Variants in PARD3B observed in about 807,000 individuals in gnomAD.
PARD3B encodes partitioning defective 3 homolog B.
Under a neutral mutation model 130.2 loss-of-function variants are expected in PARD3B, and 103 were observed. The ratio of observed to expected loss-of-function variants is 0.79; its 90% CI spans 0.67 to 0.93. The LOEUF (loss-of-function observed/expected upper bound fraction) is 0.93, where lower values mean the gene tolerates loss of function less well. PARD3B is among the 40% of genes least tolerant of loss of function. The pLI is 0.00. For missense variants in PARD3B, 1,609 were observed against 1,499.2 expected (o/e 1.07, Z -1.21); for synonymous variants, 583 against 553.2 (o/e 1.05, Z -0.76).
At chr2:205,120,833 C>T (rs2030615385) in intron 7 of PARD3B, among the ~76,000 whole-genome samples, 1 of 152,168 alleles carries the variant, frequency 6.6e-6, no homozygotes, top group Non-Finnish European at 1.5e-5. Flanking sequence ...CCTTTAACGC[C>T]TTCATTTATA....
At chr2:205,472,998 T>C (rs974419827) in intron 20 of PARD3B, among the ~76,000 whole-genome samples, 3 of 152,060 alleles carry the variant, frequency 2.0e-5, no homozygotes, top group Non-Finnish European at 4.4e-5. Flanking sequence ...GAAAAGTAAG[T>C]ATAAGGAAGA....
Position 205,473,253 on chromosome 2 carries a change from TA to T in PARD3B, c.3045-26640del, listed in dbSNP as rs2048901659. Among the ~76,000 whole-genome samples, 1 of 152,174 alleles carries T rather than the reference TA, an allele frequency of 6.6e-6. No individual in the cohort carries two copies. On this transcript the variant is annotated intron_variant, in intron 20 of 22. Transcript: ENST00000406610. This position sits in a 1 kb window ranked among gnomAD's most constrained non-coding sequence, Gnocchi z 4.9. ...ATTAATAAAAAGGGGACTGATTTCATAAATTTAGCATATTACGCATTGCAGC... is the reference window on the plus strand; with the variant it reads ...ATTAATAAAAAGGGGACTGATTTCATAATTTAGCATATTACGCATTGCAGC...
At chr2:204,558,106 G>A (rs1396167526) in intron 1 of PARD3B, 1 of 152,156 alleles carries the variant, frequency 6.6e-6, no homozygotes, top group Non-Finnish European at 1.5e-5. Context: ...GCAATGTGGT[G>A]GAATTGCAGG....
chr2:205,110,965 TC>T (rs1454240429), intron 5 of PARD3B, among the ~76,000 whole-genome samples: 2 of 152,124 alleles, frequency 1.3e-5, no homozygotes, highest in Admixed American at 6.5e-5. Flanking sequence ...TATATAGAGA[TC>T]TCTACAGAGC....
At chr2:204,891,612 G>A in intron 2 of PARD3B, among the ~76,000 whole-genome samples, 1 of 152,128 alleles carries the variant, frequency 6.6e-6, no homozygotes, top group East Asian at 1.9e-4. Flanking sequence ...AGAGATGCTT[G>A]CAATACTGCA....
At chr2:205,533,327 C>T (rs1474082893) in intron 21 of PARD3B, among the ~76,000 whole-genome samples, 1 of 152,038 alleles carries the variant, frequency 6.6e-6, no homozygotes, top group East Asian at 1.9e-4. Flanking sequence ...TGTTTTATAC[C>T]GTGATGACAG....
chr2:204,662,728 T>TA (rs2035865559), intron 1 of PARD3B, among the ~76,000 whole-genome samples: 1 of 152,146 alleles, frequency 6.6e-6, no homozygotes, highest in Non-Finnish European at 1.5e-5. Context: ...TGGGTAGTGG[T>TA]AAAAAACAAA....
intron 18 of PARD3B, among the ~76,000 whole-genome samples, chr2:205,361,568 A>G (rs1294474908): frequency 2.6e-5 from 4 of 152,220 alleles, no homozygotes; most frequent in African/African-American, 4.8e-5. Flanking sequence ...ATCTTCCTAC[A>G]TTCTAGCCAC....
chr2:204,571,385 T>A (rs2031997521), intron 1 of PARD3B, among the ~76,000 whole-genome samples: 1 of 152,212 alleles, frequency 6.6e-6, no homozygotes, highest in Admixed American at 6.5e-5. Context: ...AGTACACATT[T>A]CTAAGTACTA....
In PARD3B at chr2:204,990,465, G is replaced by A. The variant is rs1049885926; in HGVS notation, c.394+25142G>A. ...CAAATTATTGTTAACTATAGTCACC[G>A]TACCATGCTGTTGAACACTAGAACT... is the stretch of plus-strand genomic sequence containing the variant. On this transcript the variant is annotated intron_variant, in intron 3 of 22. Transcript: ENST00000406610. Among the ~76,000 whole-genome samples the A allele has an allele frequency of 3.4e-4, 51 of 152,124 alleles. 1 individual carries two copies. The highest frequency in any genetic ancestry group is 1.2e-3 in the African/African-American group (49 of 41,492).
chr2:205,538,600 A>C (rs1285826460), intron 21 of PARD3B, among the ~76,000 whole-genome samples: 8 of 152,146 alleles, frequency 5.3e-5, no homozygotes, highest in Admixed American at 5.2e-4. Flanking sequence ...TTCTCTCTCT[A>C]TAATTCCCTC....
intron 21 of PARD3B, among the ~76,000 whole-genome samples, chr2:205,540,205 G>A (rs1345733754): frequency 6.6e-6 from 1 of 151,452 alleles, no homozygotes; most frequent in Non-Finnish European, 1.5e-5. Flanking sequence ...CCCGAGCAGA[G>A]TTCTTGATTT....
At chr2:205,120,311 G>A (rs2030531728) in intron 7 of PARD3B, among the ~76,000 whole-genome samples, 1 of 152,118 alleles carries the variant, frequency 6.6e-6, no homozygotes. Flanking sequence ...AGTTAGTATG[G>A]AGTAGAAACT....
intron 2 of PARD3B, among the ~76,000 whole-genome samples, chr2:204,787,345 A>T (rs556565552): frequency 3.2e-4 from 48 of 152,180 alleles, no homozygotes; most frequent in Middle Eastern, 3.4e-3. Flanking sequence ...TTAGGGAGAA[A>T]ATCTGCTTGC....
At chr2:205,576,964 T>G (rs1202347429) in intron 22 of PARD3B, among the ~76,000 whole-genome samples, 2 of 152,236 alleles carry the variant, frequency 1.3e-5, no homozygotes, top group East Asian at 3.8e-4. Context: ...CTTCTTTGAT[T>G]TCTTTCATCA....
chr2:205,208,723 T>C (rs1165565936), intron 15 of PARD3B, among the ~76,000 whole-genome samples: 1 of 144,396 alleles, frequency 6.9e-6, no homozygotes, highest in South Asian at 2.2e-4. Context: ...TAAAAGAGGA[T>C]ACAAACAAAT....
chr2:205,417,806 G>C lies in PARD3B; in HGVS notation c.2741+16683G>C, dbSNP rs2046831482. 2.0e-5 allele frequency among the ~76,000 whole-genome samples: 3 copies of C among 152,186 alleles called. No homozygotes were observed. The South Asian group carries it at 6.2e-4, about 31-fold the overall frequency. ...TGAATCTGCTCTGCATTTAGCAGTT[G>C]TAGGCACCCTGCAGATGGGGCCTCC... On this transcript the variant is annotated intron_variant, in intron 19 of 22. Coordinates refer to ENST00000406610, the MANE Select transcript of PARD3B (RefSeq NM_001302769.2).
intron 6 of PARD3B, among the ~76,000 whole-genome samples, chr2:205,117,526 C>T (rs536995968): frequency 3.3e-5 from 5 of 152,238 alleles, no homozygotes; most frequent in Non-Finnish European, 7.3e-5. Flanking sequence ...AGGAGGACTA[C>T]TTTCTCTAAT....
At chr2:204,911,108 T>G (rs556758789) in intron 2 of PARD3B, among the ~76,000 whole-genome samples, 1 of 152,332 alleles carries the variant, frequency 6.6e-6, no homozygotes, top group African/African-American at 2.4e-5. Flanking sequence ...TCCTCATGTG[T>G]CTGTGAACTT....
Sources: gnomAD v4.1 joint callset for allele counts (sites outside exome capture counted in the v4.1 genomes callset) on GRCh38, gnomAD v4.1.1 for gene constraint, Gnocchi (gnomAD v3.1) non-coding constraint, MANE v1.5 for transcripts, NCBI Gene and HGNC (gene_info 2026-07-23, HGNC 2026-07-21) for gene names.